TNPO3: variants seen among roughly 807,000 people sequenced by gnomAD.
TNPO3 encodes the protein transportin 3, also known as transportin-3.
A neutral mutation model predicts 122.8 loss-of-function variants in TNPO3; 65 were observed. The ratio of observed to expected loss-of-function variants is 0.53; its 90% CI spans 0.43 to 0.65. The LOEUF is 0.65. TNPO3 is among the 30% of genes least tolerant of loss of function. The probability of loss-of-function intolerance (pLI) is 0.00; values close to 1 mark genes in which losing one functional copy is unlikely to be tolerated. For missense variants in TNPO3, 850 were observed against 1,136.7 expected (o/e 0.75, Z 3.63); for synonymous variants, 372 against 411.2 (o/e 0.90, Z 1.15).
Position 129,015,002 on chromosome 7 carries a change from A to C in TNPO3, c.529T>G (p.Ser177Ala). Residue 177 changes from serine (S) to alanine (A), a missense_variant, in exon 4 of 23, where the codon TCT becomes GCT. Transcript: ENST00000265388. ...TEIIEDLAFY[S>A]STVVSLLMTC... Reference sequence around the variant, plus strand: ...ACCAATAGAGATACTACTGTACTAGAGTAGAAGGCCAAATCTTCTATAATT... The same window carrying C: ...ACCAATAGAGATACTACTGTACTAGCGTAGAAGGCCAAATCTTCTATAATT... 6.2e-7 allele frequency: 1 copy of C among 1,610,524 alleles called. No individual in the cohort carries two copies. Among genetic ancestry groups the C allele is most frequent in the Non-Finnish European group, 8.5e-7 (1 of 1,179,414 alleles).
intron 21 of TNPO3, among the ~76,000 whole-genome samples, chr7:128,959,919 G>A (rs921291757): frequency 6.6e-6 from 1 of 152,168 alleles, no homozygotes; most frequent in Admixed American, 6.5e-5. Context: ...TACTCGGGAG[G>A]CTGAGGCTGG....
chr7:129,016,922 TTC>T (rs1803918243), intron 3 of TNPO3, 59 bp downstream of exon 3: 1 of 1,453,724 alleles, frequency 6.9e-7, no homozygotes, highest in Admixed American at 1.7e-5. Flanking sequence ...GCTAACAAAT[TTC>T]TCTGTGTAGG....
chr7:128,967,555 C>T (rs1798043162), intron 20 of TNPO3, among the ~76,000 whole-genome samples, 163 bp from the exon 21 acceptor site: 4 of 152,228 alleles, frequency 2.6e-5, no homozygotes, highest in African/African-American at 7.2e-5. Flanking sequence ...ATTAGCCCTT[C>T]AAACCCTCTG....
intron 8 of TNPO3, among the ~76,000 whole-genome samples, chr7:128,997,097 A>G (rs2150367467): frequency 6.6e-6 from 1 of 152,196 alleles, no homozygotes; most frequent in South Asian, 2.1e-4. Context: ...GAGTCTGCCA[A>G]TCCTCCCAAC....
chr7:129,048,959 C>T (rs1344469409), intron 1 of TNPO3, among the ~76,000 whole-genome samples: 2 of 152,140 alleles, frequency 1.3e-5, no homozygotes, highest in East Asian at 3.8e-4. Context: ...GGAGGCAAAA[C>T]ACTTATTTTC....
chr7:129,021,640 G>A (rs1804533935), intron 1 of TNPO3, among the ~76,000 whole-genome samples: 1 of 152,102 alleles, frequency 6.6e-6, no homozygotes, highest in East Asian at 1.9e-4. Context: ...AGCAACTGAG[G>A]TCAAATGTCA....
At chr7:128,964,164 T>C (rs989130514) in intron 21 of TNPO3, among the ~76,000 whole-genome samples, 28 of 152,126 alleles carry the variant, frequency 1.8e-4, no homozygotes, top group African/African-American at 6.8e-4. Flanking sequence ...TGGAACAATA[T>C]ACTGTATTTG....
Position 128,954,972 on chromosome 7 carries a change from CT to C in TNPO3, c.*444del, listed in dbSNP as rs1796764550. 1.8e-5 allele frequency: 3 copies of C among 170,906 alleles called. No homozygotes were observed. Among genetic ancestry groups the C allele is most frequent in the Admixed American group, 1.7e-4 (3 of 17,368 alleles). The allele number at this position is 170,906 out of a possible 1,614,324, so 10.6% of individuals were successfully genotyped here. A position where few individuals can be genotyped will look rare whatever the true frequency, so the allele number is the denominator to read the frequency against. ...TATTTTGTTTCACAGAAAGCTTGTCCTTTTGTTTTTCTGTGTACACGTGCGC... is the reference window on the plus strand; with the variant it reads ...TATTTTGTTTCACAGAAAGCTTGTCCTTTGTTTTTCTGTGTACACGTGCGC... On this transcript the variant is annotated 3_prime_UTR_variant, in exon 23 of 23. Coordinates refer to ENST00000265388, the MANE Select transcript of TNPO3 (RefSeq NM_012470.4).
chr7:128,956,098 C>A (rs1268391418), intron 22 of TNPO3, among the ~76,000 whole-genome samples: 1 of 152,176 alleles, frequency 6.6e-6, no homozygotes, highest in African/African-American at 2.4e-5. Flanking sequence ...CCATGAGCAA[C>A]CTTATGAGGT....
Position 128,955,003 on chromosome 7 carries a change from G to A in TNPO3, c.*414C>T, listed in dbSNP as rs990835229. ...TTTTTCTGTGTACACGTGCGCACTG[G>A]CGCTTGTGCGTGTATGTGTGTGTGC... On this transcript the variant is annotated 3_prime_UTR_variant, in exon 23 of 23. Coordinates refer to ENST00000265388, the MANE Select transcript of TNPO3 (RefSeq NM_012470.4). The A allele has an allele frequency of 1.2e-4, 28 of 235,660 alleles. No homozygotes were observed. Among genetic ancestry groups the A allele is most frequent in the Non-Finnish European group, 6.0e-5 (7 of 117,202 alleles). The allele number at this position is 235,660 out of a possible 1,614,324, so 14.6% of individuals were successfully genotyped here.
chr7:129,003,296 GGTTTTTTTTTTTTT>G (rs1197743254), intron 5 of TNPO3, among the ~76,000 whole-genome samples: 1 of 107,734 alleles, frequency 9.3e-6, no homozygotes, highest in Non-Finnish European at 1.8e-5. Context: ...TAATTTTTAG[GGTTTTTTTTTTTTT>G]TTTTTTTTAA....
chr7:128,996,536 G>A (rs1801335154), intron 8 of TNPO3, among the ~76,000 whole-genome samples: 1 of 151,962 alleles, frequency 6.6e-6, no homozygotes, highest in Non-Finnish European at 1.5e-5. Context: ...GAGGTCAGGA[G>A]ATCGAGACCA....
chr7:128,983,766 G>A (rs566062571), intron 13 of TNPO3, among the ~76,000 whole-genome samples: 2 of 147,908 alleles, frequency 1.4e-5, no homozygotes, highest in South Asian at 4.4e-4. Context: ...CTAAACCAAT[G>A]TATACCTTCC....
At chr7:128,963,912 A>G (rs1797692936) in intron 21 of TNPO3, among the ~76,000 whole-genome samples, 1 of 152,232 alleles carries the variant, frequency 6.6e-6, no homozygotes, top group Non-Finnish European at 1.5e-5. Flanking sequence ...AAGTTATGAA[A>G]CGAAAAGAAA....
intron 1 of TNPO3, among the ~76,000 whole-genome samples, chr7:129,048,500 G>T (rs369021325): frequency 1.3e-5 from 2 of 151,524 alleles, no homozygotes; most frequent in Non-Finnish European, 2.9e-5. Context: ...ACTGCACTCC[G>T]GCCTGGGCAA....
At chr7:128,975,747 G>T in intron 17 of TNPO3, 72 bp downstream of exon 17, 1 of 881,958 alleles carries the variant, frequency 1.1e-6, no homozygotes, top group Non-Finnish European at 1.9e-6. Context: ...TTAAAGACAT[G>T]GTAAAGAATA....
At position 128,970,187 on chromosome 7, in the gene TNPO3, C is replaced by T. The variant is rs1233371520; in HGVS notation, c.2559G>A (p.Val853=). The T allele has an allele frequency of 6.2e-7, 1 of 1,614,176 alleles. No homozygotes were observed. The highest frequency in any genetic ancestry group is 8.5e-7 in the Non-Finnish European group (1 of 1,180,024). Reference sequence around the variant, plus strand: ...GCATGATCTCCCAGAGCACTTCAGCCACATCTGGTAGGGTATAGGGGGGGA... The same window carrying T: ...GCATGATCTCCCAGAGCACTTCAGCTACATCTGGTAGGGTATAGGGGGGGA... ...FCLPPYTLPD[V]AEVLWEIMQV... The change falls in exon 20 of 23, where the codon GTG becomes GTA. Residue 853 remains valine, a synonymous_variant. Coordinates refer to ENST00000265388, the MANE Select transcript of TNPO3 (RefSeq NM_012470.4).
intron 21 of TNPO3, among the ~76,000 whole-genome samples, chr7:128,961,546 C>T (rs182923525): frequency 6.6e-6 from 1 of 152,168 alleles, no homozygotes; most frequent in South Asian, 2.1e-4. Context: ...TTAAGTAACA[C>T]ATGACTGTAT....
Position 128,993,870 on chromosome 7 carries a change from C to A in TNPO3, c.1203G>T (p.Met401Ile). Residue 401 changes from methionine (M) to isoleucine (I), a missense_variant, in exon 9 of 23, where the codon ATG becomes ATT. Transcript: ENST00000265388. The part of the protein sequence containing the change: ...EETDDFGEFR[M>I]RVSDLVKDLI... ...AGTCCTTTACCAGGTCTGATACCCT[C>A]ATGCGAAACTCCCCAAAGTCATCAG... 1 of 1,614,166 alleles carries A rather than the reference C, an allele frequency of 6.2e-7. No homozygotes were observed. The highest frequency in any genetic ancestry group is 8.5e-7 in the Non-Finnish European group (1 of 1,180,026).
Sources: allele counts gnomAD v4.1 joint callset (sites outside exome capture counted in the v4.1 genomes callset), GRCh38; gene constraint gnomAD v4.1.1; transcripts MANE v1.5; gene names NCBI Gene and HGNC (gene_info 2026-07-23, HGNC 2026-07-21).